Variants in PEAK1 observed in about 807,000 individuals in gnomAD.
PEAK1 encodes the protein pseudopodium enriched atypical kinase 1.
A neutral mutation model predicts 124.7 loss-of-function variants in PEAK1; 54 were observed. That is an observed-to-expected ratio of 0.43 (90% CI 0.35 to 0.54). The LOEUF is 0.54. PEAK1 is among the 20% of genes least tolerant of loss of function. PEAK1 has a pLI of 0.01. For missense variants in PEAK1, 2,046 were observed against 2,134.5 expected (o/e 0.96, Z 0.82); for synonymous variants, 719 against 760.0 (o/e 0.95, Z 0.89).
intron 6 of PEAK1, among the ~76,000 whole-genome samples, chr15:77,210,754 C>T (rs2058866648): frequency 6.6e-6 from 1 of 152,116 alleles, no homozygotes; most frequent in Non-Finnish European, 1.5e-5. Context: ...GTGACAGGTA[C>T]CTGTAATCCC....
intron 1 of PEAK1, chr15:77,371,207 T>C (rs1310983696): frequency 2.0e-6 from 2 of 984,268 alleles, no homozygotes; most frequent in Non-Finnish European, 1.2e-6. Context: ...TTTTATTCTA[T>C]GGATAGCAAC....
intron 5 of PEAK1, chr15:77,255,242 A>C (rs1210792385): frequency 3.8e-6 from 2 of 532,664 alleles, no homozygotes; most frequent in Non-Finnish European, 4.8e-6. Context: ...CCTGATTTTA[A>C]ACCTATTAAT....
chr15:77,374,380 A>C (rs1255614483), intron 1 of PEAK1, among the ~76,000 whole-genome samples: 4 of 152,204 alleles, frequency 2.6e-5, no homozygotes, highest in African/African-American at 9.6e-5. Context: ...AGAACGTAAA[A>C]TCAGAGTTTA....
At chr15:77,232,388 G>A (rs527476486) in intron 6 of PEAK1, among the ~76,000 whole-genome samples, 20 of 152,104 alleles carry the variant, frequency 1.3e-4, no homozygotes, top group Non-Finnish European at 1.9e-4. Flanking sequence ...CTCAAATGGG[G>A]ATTTAACACT....
intron 5 of PEAK1, among the ~76,000 whole-genome samples, chr15:77,273,726 T>C (rs2062157195): frequency 1.3e-5 from 2 of 152,032 alleles, no homozygotes; most frequent in Admixed American, 6.6e-5. Flanking sequence ...ACAAATTCAA[T>C]GCAATTCCCA....
chr15:77,402,921 G>C (rs1257621171), intron 1 of PEAK1: 1 of 985,196 alleles, frequency 1.0e-6, no homozygotes, highest in Admixed American at 6.2e-5. Flanking sequence ...TCATAGCTGA[G>C]GCCAGAAAAA....
At chr15:77,264,317 C>T (rs1442403384) in intron 5 of PEAK1, among the ~76,000 whole-genome samples, 4 of 152,058 alleles carry the variant, frequency 2.6e-5, no homozygotes. Context: ...GTCAAATTGT[C>T]CCTGTTTGCA....
At chr15:77,105,627 G>C (rs2050743548), downstream of PEAK1, 1 of 152,218 alleles carries the variant, frequency 6.6e-6, no homozygotes, top group Non-Finnish European at 1.5e-5. Flanking sequence ...TTCCCTTGTA[G>C]AAGAGAGTGC....
intron 6 of PEAK1, among the ~76,000 whole-genome samples, chr15:77,216,199 G>A (rs781291195): frequency 7.9e-5 from 12 of 152,176 alleles, no homozygotes; most frequent in Non-Finnish European, 1.5e-4. Flanking sequence ...CATTTATTTA[G>A]GTCTTCTTTA....
chr15:77,287,775 G>A (rs2063003742), intron 2 of PEAK1, among the ~76,000 whole-genome samples: 1 of 152,106 alleles, frequency 6.6e-6, no homozygotes, highest in Admixed American at 6.6e-5. Flanking sequence ...ATCCCAAACC[G>A]AGCTGTTCAT....
At chr15:77,202,013 C>T (rs2152846831) in intron 6 of PEAK1, among the ~76,000 whole-genome samples, 1 of 152,222 alleles carries the variant, frequency 6.6e-6, no homozygotes, top group South Asian at 2.1e-4. Context: ...TTTTAGACTC[C>T]AATATTGTTC....
chr15:77,192,328 G>A (rs1336011518), intron 6 of PEAK1, among the ~76,000 whole-genome samples: 1 of 152,168 alleles, frequency 6.6e-6, no homozygotes, highest in East Asian at 1.9e-4. Flanking sequence ...GGCCAGTGAT[G>A]GACCATGAAG....
chr15:77,226,269 T>A (rs1596719584), intron 6 of PEAK1, among the ~76,000 whole-genome samples: 1 of 148,442 alleles, frequency 6.7e-6, no homozygotes, highest in African/African-American at 2.5e-5. Context: ...TGATCTGAGA[T>A]GTTTGAAAAG....
At chr15:77,401,061 T>G (rs1023019160) in intron 1 of PEAK1, among the ~76,000 whole-genome samples, 1 of 152,124 alleles carries the variant, frequency 6.6e-6, no homozygotes, top group African/African-American at 2.4e-5. Flanking sequence ...ATATATACAA[T>G]AAATGGCATA....
intron 8 of PEAK1, among the ~76,000 whole-genome samples, chr15:77,151,135 TAA>T (rs2054588360): frequency 6.6e-6 from 1 of 152,152 alleles, no homozygotes; most frequent in Non-Finnish European, 1.5e-5. Context: ...ACCAACAGTG[TAA>T]AAGTGTTCCT....
intron 8 of PEAK1, chr15:77,157,461 G>A (rs1306529139): frequency 6.6e-6 from 1 of 152,238 alleles, no homozygotes. Context: ...CAGGTAAGAA[G>A]TCACTGAGCA....
At chr15:77,349,430 G>A (rs1430220604) in intron 2 of PEAK1, 5 of 980,306 alleles carry the variant, frequency 5.1e-6, no homozygotes, top group Non-Finnish European at 4.8e-6. Context: ...ACATAAAAAT[G>A]TTCATAATAG....
chr15:77,126,981 A>G (rs2052427370), intron 9 of PEAK1, among the ~76,000 whole-genome samples: 1 of 152,250 alleles, frequency 6.6e-6, no homozygotes, highest in Admixed American at 6.5e-5. Flanking sequence ...ACCTCTTCAT[A>G]TGTTGAAGCC....
chr15:77,408,621 T>G (rs974671614), intron 1 of PEAK1, among the ~76,000 whole-genome samples: 5 of 152,138 alleles, frequency 3.3e-5, no homozygotes, highest in African/African-American at 1.2e-4. Context: ...GAAGATATTT[T>G]CTACTGTTTC....
Sources: allele counts gnomAD v4.1 joint callset (sites outside exome capture counted in the v4.1 genomes callset), GRCh38; gene constraint gnomAD v4.1.1; transcripts MANE v1.5; gene names NCBI Gene and HGNC (gene_info 2026-07-23, HGNC 2026-07-21).